The following ZFP91 variants were observed in gnomAD, a reference collection of about 807,000 sequenced individuals.
ZFP91 encodes ZFP91 zinc finger protein, atypical E3 ubiquitin ligase.
Under a neutral mutation model 63.5 loss-of-function variants are expected in ZFP91, and 7 were observed. That is an observed-to-expected ratio of 0.11 (90% CI 0.06 to 0.21). The LOEUF (loss-of-function observed/expected upper bound fraction) is 0.21, where lower values mean the gene tolerates loss of function less well. Ranked by LOEUF, ZFP91 falls within the 10% of genes least tolerant of loss-of-function variation. ZFP91 has a pLI of 1.00. For synonymous variants in ZFP91, 330 were observed against 272.1 expected (o/e 1.21, Z -2.10); for missense variants, 628 against 736.6 (o/e 0.85, Z 1.71).
intron 8 of ZFP91, 43 bp downstream of exon 8, chr11:58,612,883 A>C (rs1439653666): frequency 3.2e-6 from 5 of 1,542,514 alleles, no homozygotes. Flanking sequence ...GTTGTGTTCC[A>C]TTACTTGTTC....
At chr11:58,608,829 G>A (rs558458298) in intron 2 of ZFP91, among the ~76,000 whole-genome samples, 1 of 152,020 alleles carries the variant, frequency 6.6e-6, no homozygotes, top group Admixed American at 6.6e-5. Context: ...GGTCACAAAC[G>A]CCTGACCTTT....
intron 8 of ZFP91, 90 bp downstream of exon 8, chr11:58,612,930 G>A (rs1855691007): frequency 8.8e-7 from 1 of 1,139,170 alleles, no homozygotes; most frequent in Non-Finnish European, 1.3e-6. Context: ...GCTTGTGTAG[G>A]CTTTATCATT....
intron 2 of ZFP91, among the ~76,000 whole-genome samples, chr11:58,608,193 G>GTA (rs1261143163): frequency 6.6e-6 from 1 of 151,398 alleles, no homozygotes; most frequent in Non-Finnish European, 1.5e-5. Context: ...ATATTTGTGT[G>GTA]TATATATATC....
At chr11:58,616,575 T>C in intron 9 of ZFP91, 141 bp from the exon 10 acceptor site, 1 of 472,980 alleles carries the variant, frequency 2.1e-6, no homozygotes, top group Non-Finnish European at 3.6e-6. Flanking sequence ...TTTTAAATTT[T>C]GTTTACCCAA....
At chr11:58,593,042 G>A (rs2134398381) in intron 2 of ZFP91, among the ~76,000 whole-genome samples, 1 of 152,234 alleles carries the variant, frequency 6.6e-6, no homozygotes, top group South Asian at 2.1e-4. Flanking sequence ...CACAGGGATG[G>A]CACCAAGCCA....
chr11:58,598,202 C>CT (rs1855434672), intron 2 of ZFP91, among the ~76,000 whole-genome samples: 1 of 152,028 alleles, frequency 6.6e-6, no homozygotes, highest in South Asian at 2.1e-4. Flanking sequence ...CATATATAGT[C>CT]TAAGACTTTG....
In ZFP91 at chr11:58,611,504, T is replaced by A. The variant is rs1855661777; in HGVS notation, c.723-100T>A. On this transcript the variant is annotated intron_variant, in intron 5 of 10. Coordinates refer to ENST00000316059, the MANE Select transcript of ZFP91 (RefSeq NM_053023.5). ...ACATTTCATGAACTGAGGAAGGTAG[T>A]TTTATAACAAATCAGTGATAACTCT... The A allele has an allele frequency of 9.0e-6, 13 of 1,436,652 alleles. No individual in the cohort carries two copies. In the South Asian group the frequency reaches 1.9e-4, roughly 21 times the overall value. 89.0% of individuals were successfully genotyped at this position (1,436,652 alleles called of 1,614,324 possible).
At chr11:58,608,850 G>A (rs994050419) in intron 2 of ZFP91, among the ~76,000 whole-genome samples, 4 of 152,072 alleles carry the variant, frequency 2.6e-5, no homozygotes, top group Admixed American at 6.5e-5. Context: ...TGATCTGCCC[G>A]CCTTGGCCAC....
At position 58,611,690 on chromosome 11, in the gene ZFP91, T is replaced by A. The variant is rs1855666787; in HGVS notation, c.809T>A (p.Val270Glu). 6.2e-7 allele frequency: 1 copy of A among 1,608,938 alleles called. No homozygotes were observed. Among genetic ancestry groups the A allele is most frequent in the African/African-American group, 1.3e-5 (1 of 74,114 alleles). Residue 270 changes from valine (V) to glutamate (E), a missense_variant, in exon 6 of 11, where the codon GTG becomes GAG. Val to Glu is a moderately radical substitution (Grantham distance 121, BLOSUM62 -2). Transcript: ENST00000316059. ...KEIKVEVEVEVKEEENEIRED... is the reference protein window; with the variant it reads ...KEIKVEVEVEEKEEENEIRED... Reference sequence around the variant, plus strand: ...ATTAAAGTGGAAGTAGAGGTGGAGGTGAAAGAAGAGGAGAATGAAATTAGA... The same window carrying A: ...ATTAAAGTGGAAGTAGAGGTGGAGGAGAAAGAAGAGGAGAATGAAATTAGA...
intron 2 of ZFP91, among the ~76,000 whole-genome samples, chr11:58,607,186 G>GA (rs1008903590): frequency 6.6e-6 from 1 of 151,446 alleles, no homozygotes; most frequent in Non-Finnish European, 1.5e-5. Flanking sequence ...TTGGGTTAAG[G>GA]AAAAAAAAGA....
chr11:58,591,156 G>A (rs995316646), intron 2 of ZFP91, among the ~76,000 whole-genome samples: 1 of 152,108 alleles, frequency 6.6e-6, no homozygotes, highest in Non-Finnish European at 1.5e-5. Context: ...GCCCCCAAGT[G>A]TAACCACTAT....
chr11:58,602,575 G>C (rs993804646), intron 2 of ZFP91, among the ~76,000 whole-genome samples: 1 of 152,142 alleles, frequency 6.6e-6, no homozygotes, highest in Non-Finnish European at 1.5e-5. Context: ...AGTTGTTGAA[G>C]TGCATTTTGC....
chr11:58,579,723 C>G (rs1285081879), intron 1 of ZFP91, 101 bp downstream of exon 1: 111 of 1,159,382 alleles, frequency 9.6e-5, no homozygotes, highest in Non-Finnish European at 1.2e-4. Flanking sequence ...CCTGCCTGGT[C>G]TGCCCCCTGC....
At chr11:58,593,939 C>A (rs936065099) in intron 2 of ZFP91, among the ~76,000 whole-genome samples, 1 of 152,196 alleles carries the variant, frequency 6.6e-6, no homozygotes, top group African/African-American at 2.4e-5. Context: ...ATCTCTAATT[C>A]TTTCCATATT....
intron 2 of ZFP91, among the ~76,000 whole-genome samples, chr11:58,605,671 C>T (rs1855559081): frequency 6.6e-6 from 1 of 151,004 alleles, no homozygotes; most frequent in Non-Finnish European, 1.5e-5. Flanking sequence ...TTATGAGTCA[C>T]TTCTTGCTGT....
At chr11:58,589,784 C>G (rs1053985633) in intron 2 of ZFP91, among the ~76,000 whole-genome samples, 4 of 152,152 alleles carry the variant, frequency 2.6e-5, no homozygotes, top group African/African-American at 4.8e-5. Context: ...ATTGCTAGTT[C>G]AGACATCCAA....
At chr11:58,587,503 A>G (rs1480579390) in intron 2 of ZFP91, among the ~76,000 whole-genome samples, 2 of 152,184 alleles carry the variant, frequency 1.3e-5, no homozygotes, top group African/African-American at 4.8e-5. Flanking sequence ...TAAAAAGGAA[A>G]AATTACTTCA....
At chr11:58,592,721 A>G (rs1855328935) in intron 2 of ZFP91, among the ~76,000 whole-genome samples, 1 of 152,198 alleles carries the variant, frequency 6.6e-6, no homozygotes, top group African/African-American at 2.4e-5. Flanking sequence ...ACTTTCAGTT[A>G]AATTGGGAGA....
rs1458440255 is a variant in ZFP91, at chr11:58,611,702, A to G, written c.821A>G (p.Glu274Gly). The change falls in exon 6 of 11, where the codon GAG becomes GGG. Residue 274 changes from glutamate (E) to glycine (G), a missense_variant. By Grantham distance (98) the Glu-to-Gly change is moderately conservative. Around this residue, in one of 3 missense-constraint regions of ZFP91, gnomAD observed 437 missense variants for 380.3 expected, o/e 1.15. Transcript: ENST00000316059. ...GTAGAGGTGGAGGTGAAAGAAGAGG[A>G]GAATGAAATTAGAGAGGATGAGGAA... ...VEVEVEVKEE[E>G]NEIREDEEPP... 4 of 1,612,176 alleles carry G rather than the reference A, an allele frequency of 2.5e-6. No homozygotes were observed. The highest frequency in any genetic ancestry group is 1.7e-5 in the Admixed American group (1 of 59,856).
Sources: allele counts gnomAD v4.1 joint callset (sites outside exome capture counted in the v4.1 genomes callset), GRCh38; gene constraint gnomAD v4.1.1; regional missense constraint gnomAD v4.1.1; transcripts MANE v1.5; gene names NCBI Gene and HGNC (gene_info 2026-07-23, HGNC 2026-07-21).